ST6GALNAC5: variants seen among roughly 807,000 people sequenced by gnomAD.
ST6GALNAC5 encodes alpha-N-acetylgalactosaminide alpha-2,6-sialyltransferase 5.
A neutral mutation model predicts 33.6 loss-of-function variants in ST6GALNAC5; 27 were observed. The ratio of observed to expected loss-of-function variants is 0.80; its 90% confidence interval spans 0.59 to 1.11. The LOEUF (loss-of-function observed/expected upper bound fraction) is 1.11, where lower values mean the gene tolerates loss of function less well. Among genes scored for constraint, ST6GALNAC5 ranks in the 50% least tolerant of loss-of-function variants. The pLI, the probability that ST6GALNAC5 is intolerant of heterozygous loss-of-function variation, is 0.00. For synonymous variants in ST6GALNAC5, 194 were observed against 171.2 expected (o/e 1.13, Z -1.04); for missense variants, 428 against 454.0 (o/e 0.94, Z 0.52).
Position 76,868,999 on chromosome 1 carries a change from T to G in ST6GALNAC5, c.261+257T>G. The G allele has an allele frequency of 2.0e-6, 1 of 495,556 alleles. No homozygotes were observed. Among genetic ancestry groups the G allele is most frequent in the Non-Finnish European group, 3.3e-6 (1 of 303,292 alleles). The allele number at this position is 495,556 out of a possible 1,614,324, so 30.7% of individuals were successfully genotyped here. On this transcript the variant is annotated intron_variant, in intron 2 of 4. Transcript: ENST00000477717. The surrounding 1 kb of genome is among the most constrained non-coding windows in gnomAD (Gnocchi z 4.3). ...CTAATTTCCCAGCAGAAATCGGCCC[T>G]GGAACTAGAACTCCCTGATCCCCAG...
chr1:76,878,868 G>A (rs1653711734), intron 2 of ST6GALNAC5, among the ~76,000 whole-genome samples: 1 of 152,120 alleles, frequency 6.6e-6, no homozygotes, highest in Non-Finnish European at 1.5e-5. Context: ...AGCTCTACAT[G>A]AGTCAGGCTA....
Position 77,044,508 on chromosome 1 carries a change from T to C in ST6GALNAC5, c.566T>C (p.Leu189Pro). 1.2e-6 allele frequency: 2 copies of C among 1,612,566 alleles called. No homozygotes were observed. The highest frequency in any genetic ancestry group is 1.7e-6 in the Non-Finnish European group (2 of 1,179,238). ...GGCAAGGGCCAGGTCTACAACAACCTGCATCTCCTGAGCCAGGTGCTGCCC... is the reference window on the plus strand; with the variant it reads ...GGCAAGGGCCAGGTCTACAACAACCCGCATCTCCTGAGCCAGGTGCTGCCC... The part of the protein sequence containing the change: ...RDGKGQVYNN[L>P]HLLSQVLPRL... Residue 189 changes from leucine to proline, a missense_variant, in exon 3 of 5, where the codon CTG (leucine) becomes CCG (proline). By Grantham distance (98) the Leu-to-Pro change is moderately conservative. Transcript: ENST00000477717.
chr1:76,883,092 A>G (rs1361770942), intron 2 of ST6GALNAC5, among the ~76,000 whole-genome samples: 1 of 152,172 alleles, frequency 6.6e-6, no homozygotes, highest in African/African-American at 2.4e-5. Context: ...TCAGTCAATC[A>G]CATATTGACT....
intron 2 of ST6GALNAC5, among the ~76,000 whole-genome samples, chr1:77,018,543 G>A (rs1650935728): frequency 6.6e-6 from 1 of 152,192 alleles, no homozygotes; most frequent in South Asian, 2.1e-4. Flanking sequence ...ACCCAGCACT[G>A]ACTCCACAGC....
chr1:76,989,439 C>T (rs1649636596), intron 2 of ST6GALNAC5, among the ~76,000 whole-genome samples: 1 of 151,628 alleles, frequency 6.6e-6, no homozygotes, highest in Non-Finnish European at 1.5e-5. Context: ...ATTTTTTTTC[C>T]TCCAAATTCA....
intron 2 of ST6GALNAC5, among the ~76,000 whole-genome samples, chr1:76,963,822 TA>T (rs903008457): frequency 3.9e-5 from 6 of 152,192 alleles, no homozygotes; most frequent in Non-Finnish European, 7.3e-5. Context: ...TGATTAAGGT[TA>T]GGGGCCTTGA....
intron 2 of ST6GALNAC5, among the ~76,000 whole-genome samples, chr1:76,886,566 C>A (rs1021301257): frequency 1.3e-5 from 2 of 152,186 alleles, no homozygotes; most frequent in African/African-American, 4.8e-5. Flanking sequence ...TCCTTGCCAA[C>A]AAGCTCTTTA....
chr1:76,948,027 C>T (rs1386727200), intron 2 of ST6GALNAC5, among the ~76,000 whole-genome samples: 1 of 152,004 alleles, frequency 6.6e-6, no homozygotes, highest in Non-Finnish European at 1.5e-5. Context: ...ACAAATAAAC[C>T]CCAAAGAGCG....
intron 2 of ST6GALNAC5, among the ~76,000 whole-genome samples, chr1:77,028,274 A>C (rs2100444984): frequency 6.6e-6 from 1 of 152,340 alleles, no homozygotes; most frequent in African/African-American, 2.4e-5. Context: ...TAAGTCTTGC[A>C]CCTGAAAAAC....
intron 2 of ST6GALNAC5, among the ~76,000 whole-genome samples, chr1:76,951,096 C>A (rs1162899373): frequency 6.6e-6 from 1 of 152,092 alleles, no homozygotes; most frequent in Non-Finnish European, 1.5e-5. Context: ...GAAACCAGAG[C>A]ATTTTCCTGT....
At chr1:76,907,388 C>T (rs893973778) in intron 2 of ST6GALNAC5, among the ~76,000 whole-genome samples, 2 of 152,126 alleles carry the variant, frequency 1.3e-5, no homozygotes, top group African/African-American at 4.8e-5. Flanking sequence ...AGAAAAAGCA[C>T]TTGAGGCAGC....
intron 2 of ST6GALNAC5, among the ~76,000 whole-genome samples, chr1:76,960,063 T>C (rs923735761): frequency 1.3e-5 from 2 of 152,206 alleles, no homozygotes; most frequent in African/African-American, 4.8e-5. Flanking sequence ...AATACCCCAC[T>C]TTTAAATATA....
intron 2 of ST6GALNAC5, among the ~76,000 whole-genome samples, chr1:76,898,183 T>C (rs1329067923): frequency 1.3e-5 from 2 of 152,182 alleles, no homozygotes; most frequent in Admixed American, 1.3e-4. Flanking sequence ...TTAGGAGGAA[T>C]CCTGGGCTGT....
Position 77,044,561 on chromosome 1 carries a change from C to T in ST6GALNAC5, c.619C>T (p.His207Tyr). 1.3e-6 allele frequency: 2 copies of T among 1,592,986 alleles called. No individual in the cohort carries two copies. The highest frequency in any genetic ancestry group is 1.3e-5 in the African/African-American group (1 of 74,570). Residue 207 changes from histidine (H) to tyrosine (Y), a missense_variant, in exon 3 of 5, where the codon CAC becomes TAC. Coordinates refer to ENST00000477717, the MANE Select transcript of ST6GALNAC5 (RefSeq NM_030965.3). ...GCTGAAGGCCTTCATGATTACTCGCCACAAGATGCTGCAGTTTGATGAGCT... is the reference window on the plus strand; with the variant it reads ...GCTGAAGGCCTTCATGATTACTCGCTACAAGATGCTGCAGTTTGATGAGCT... ...PRLKAFMITR[H>Y]KMLQFDELFK...
chr1:76,916,624 A>G (rs1315102505), intron 2 of ST6GALNAC5, among the ~76,000 whole-genome samples: 1 of 152,172 alleles, frequency 6.6e-6, no homozygotes, highest in Non-Finnish European at 1.5e-5. Flanking sequence ...AGGAGAAACC[A>G]CAAGGCTTGA....
At chr1:76,982,264 G>GA (rs1338720744) in intron 2 of ST6GALNAC5, among the ~76,000 whole-genome samples, 3 of 152,064 alleles carry the variant, frequency 2.0e-5, no homozygotes, top group Non-Finnish European at 2.9e-5. Flanking sequence ...TAAAAACCCT[G>GA]AAAAAAGATT....
chr1:76,916,513 G>T (rs1022457279), intron 2 of ST6GALNAC5, among the ~76,000 whole-genome samples: 4 of 151,972 alleles, frequency 2.6e-5, no homozygotes, highest in African/African-American at 9.7e-5. Flanking sequence ...TTTATTTTTT[G>T]ATGTAGGAAT....
chr1:76,892,764 A>G (rs929218013), intron 2 of ST6GALNAC5, among the ~76,000 whole-genome samples: 3 of 152,228 alleles, frequency 2.0e-5, no homozygotes, highest in Non-Finnish European at 4.4e-5. Context: ...CAATAAACAG[A>G]CAAACCAACA....
intron 2 of ST6GALNAC5, among the ~76,000 whole-genome samples, chr1:76,983,153 A>C (rs959481398): frequency 6.6e-6 from 1 of 152,206 alleles, no homozygotes; most frequent in Non-Finnish European, 1.5e-5. Flanking sequence ...TCAAATTCAC[A>C]CATAACAATA....
Sources: gnomAD v4.1 joint callset for allele counts (sites outside exome capture counted in the v4.1 genomes callset) on GRCh38, gnomAD v4.1.1 for gene constraint, Gnocchi (gnomAD v3.1) non-coding constraint, MANE v1.5 for transcripts, NCBI Gene and HGNC (gene_info 2026-07-23, HGNC 2026-07-21) for gene names.